The following USP36 variants were observed in gnomAD, a reference collection of about 807,000 sequenced individuals.
USP36 encodes ubiquitin specific peptidase 36, also known as ubiquitin carboxyl-terminal hydrolase 36.
A neutral mutation model predicts 111.5 loss-of-function variants in USP36; 59 were observed. The ratio of observed to expected loss-of-function variants is 0.53; its 90% CI spans 0.43 to 0.66. The LOEUF (loss-of-function observed/expected upper bound fraction) is 0.66. Among genes scored for constraint, USP36 ranks in the 30% least tolerant of loss-of-function variants. The probability of loss-of-function intolerance (pLI) is 0.00; values close to 1 mark genes in which losing one functional copy is unlikely to be tolerated. For missense variants in USP36, 1,488 were observed against 1,468.0 expected (o/e 1.01, Z -0.22); for synonymous variants, 628 against 581.0 (o/e 1.08, Z -1.16).
intron 6 of USP36, chr17:78,826,943 C>T (rs534962725): frequency 5.0e-6 from 3 of 605,084 alleles, no homozygotes; most frequent in East Asian, 5.5e-5. Flanking sequence ...AGAAGGTCTG[C>T]TAACATATTT....
At chr17:78,820,039 A>G (rs780535325) in intron 8 of USP36, 27 bp from the exon 9 acceptor site, 1 of 1,611,350 alleles carries the variant, frequency 6.2e-7, no homozygotes, top group Admixed American at 1.7e-5. Context: ...CAGGGAGTAA[A>G]ATACACAGCA....
Position 78,798,147 on chromosome 17 carries a change from T to C in USP36, c.*20+253A>G, listed in dbSNP as rs900142216. On this transcript the variant is annotated intron_variant, in intron 20 of 20. Transcript: ENST00000449938. This position sits in a 1 kb window ranked among gnomAD's most constrained non-coding sequence, Gnocchi z 5.1. ...TACACACCCCACACCCAACACACACTACACACACCCCCTTATACACACGCA... is the reference window on the plus strand; with the variant it reads ...TACACACCCCACACCCAACACACACCACACACACCCCCTTATACACACGCA... The C allele has an allele frequency of 1.1e-4, 52 of 480,194 alleles. No homozygotes were observed. The highest frequency in any genetic ancestry group is 1.8e-4 in the Non-Finnish European group (48 of 269,252). The allele number at this position is 480,194 out of a possible 1,614,324, so 29.7% of individuals were successfully genotyped here. A position where few individuals can be genotyped will look rare whatever the true frequency, so the allele number is the denominator to read the frequency against.
At chr17:78,826,738 A>G (rs1464240633) in intron 6 of USP36, 4 of 241,326 alleles carry the variant, frequency 1.7e-5, no homozygotes, top group Non-Finnish European at 3.3e-5. Context: ...TGGCGTGTGA[A>G]TAAGAAACAG....
rs528308479 is a variant in USP36, at chr17:78,837,112, A to C, written c.-9-740T>G. 2.6e-5 allele frequency among the ~76,000 whole-genome samples: 4 copies of C among 152,318 alleles called. No homozygotes were observed. The East Asian group carries it at 7.7e-4, about 29-fold the overall frequency. On this transcript the variant is annotated intron_variant, in intron 2 of 20. Coordinates refer to ENST00000449938, the MANE Select transcript of USP36 (RefSeq NM_001385174.1). Reference sequence around the variant, plus strand: ...TATTTTATATATATTGAGTTAAATAAATTATGAAAATGAATTTCACCTGCT... The same window carrying C: ...TATTTTATATATATTGAGTTAAATACATTATGAAAATGAATTTCACCTGCT...
intron 13 of USP36, among the ~76,000 whole-genome samples, chr17:78,811,997 A>C (rs2094071012): frequency 6.6e-6 from 1 of 152,150 alleles, no homozygotes; most frequent in Non-Finnish European, 1.5e-5. Flanking sequence ...AAGACCAGCC[A>C]GGGCAACATA....
chr17:78,821,658 G>A (rs112622238), intron 7 of USP36, among the ~76,000 whole-genome samples: 8,808 of 151,656 alleles, frequency 0.058, 812 homozygotes, highest in African/African-American at 0.2. Context: ...GGCTGGCCTC[G>A]AACTCCTGAC....
At chr17:78,840,406 G>A (rs908481932) in intron 1 of USP36, 3 of 152,290 alleles carry the variant, frequency 2.0e-5, no homozygotes, top group African/African-American at 7.2e-5. Flanking sequence ...CAACCTCTCC[G>A]AAGTTGACCT....
At chr17:78,812,363 C>G (rs1054442434) in intron 13 of USP36, among the ~76,000 whole-genome samples, 2 of 152,094 alleles carry the variant, frequency 1.3e-5, no homozygotes, top group African/African-American at 4.8e-5. Context: ...TCTCCTCTTT[C>G]TCTATAGCCA....
intron 3 of USP36, among the ~76,000 whole-genome samples, chr17:78,789,612 A>G (rs374268620): frequency 6.6e-6 from 1 of 152,206 alleles, no homozygotes; most frequent in Non-Finnish European, 1.5e-5. Flanking sequence ...GAAAACCCCC[A>G]GATTTTATTT....
Position 78,803,437 on chromosome 17 carries a change from C to T in USP36, c.2758G>A (p.Ala920Thr). The T allele has an allele frequency of 1.2e-6, 2 of 1,614,156 alleles. No homozygotes were observed. The highest frequency in any genetic ancestry group is 1.7e-6 in the Non-Finnish European group (2 of 1,180,042). ...CCGCCTTCTTCACCAAGACCTTCTG[C>T]TCCTTTCCTCCTCCGCTTCCTGCTG... The part of the protein sequence containing the change: ...ASSRKRRRKG[A>T]EGLGEEGGLH... Residue 920 changes from alanine to threonine, a missense_variant, in exon 16 of 21, where the codon GCA becomes ACA. By Grantham distance (58) the Ala-to-Thr change is moderately conservative. Coordinates refer to ENST00000449938, the MANE Select transcript of USP36 (RefSeq NM_001385174.1). This position sits in a 1 kb window ranked among gnomAD's most constrained non-coding sequence, Gnocchi z 4.6.
Position 78,838,380 on chromosome 17 carries a change from A to AC in USP36, c.-10+206_-10+207insG, listed in dbSNP as rs202045817. ...GAGCAAGACTTGGTCTCAAAAAAAA[A>AC]AAAAAACAAAAAACAAAAAACTTCT... is the stretch of plus-strand genomic sequence containing the variant. On this transcript the variant is annotated intron_variant, in intron 2 of 20. Coordinates refer to ENST00000449938, the MANE Select transcript of USP36 (RefSeq NM_001385174.1). 6.3e-3 allele frequency among the ~76,000 whole-genome samples: 947 copies of AC among 151,268 alleles called. 46 individuals are homozygous for AC. The East Asian group carries it at 0.12, about 19-fold the overall frequency.
At position 78,807,120 on chromosome 17, in the gene USP36, C is replaced by T; in HGVS notation, c.1924G>A (p.Glu642Lys). The change falls in exon 14 of 21, where the codon GAA becomes AAA. Residue 642 changes from glutamate (E) to lysine (K), a missense_variant. By Grantham distance (56) the Glu-to-Lys change is moderately conservative. This residue lies in a region of USP36 where 1,073 missense variants were observed against 994.1 expected (regional missense o/e 1.08). Coordinates refer to ENST00000449938, the MANE Select transcript of USP36 (RefSeq NM_001385174.1). ...SGAAHLCDSQ[E>K]TNCSTAGHSK... ...TGGCCAGCGGTGGAACAGTTCGTTT[C>T]CTGAGAATCGCAGAGATGGGCCGCT... The T allele has an allele frequency of 6.2e-7, 1 of 1,614,204 alleles. No homozygotes were observed. The highest frequency in any genetic ancestry group is 8.5e-7 in the Non-Finnish European group (1 of 1,180,036).
chr17:78,841,325 G>T (rs193291888), upstream of USP36: 1 of 152,462 alleles, frequency 6.6e-6, no homozygotes, highest in Non-Finnish European at 1.5e-5. Flanking sequence ...TAACGTCCCG[G>T]GCTCTGGGGC....
chr17:78,833,622 C>T (rs2145618641), intron 4 of USP36, among the ~76,000 whole-genome samples: 1 of 152,304 alleles, frequency 6.6e-6, no homozygotes, highest in African/African-American at 2.4e-5. Flanking sequence ...GGGAAGCAAA[C>T]CCTACAGGCC....
At chr17:78,829,553 C>T (rs1030354014) in intron 4 of USP36, among the ~76,000 whole-genome samples, 1 of 152,158 alleles carries the variant, frequency 6.6e-6, no homozygotes, top group South Asian at 2.1e-4. Flanking sequence ...CAAATCCTTT[C>T]CTATCTGAGG....
chr17:78,796,503 A>G lies in USP36; in HGVS notation c.*1397T>C, dbSNP rs2093630907. ...GATTCTCTCCCACCCTTCTAAGAAG[A>G]GAAACGTAAAAACAGAAGAAAATCC... On this transcript the variant is annotated 3_prime_UTR_variant, in exon 21 of 21. Transcript: ENST00000449938. The G allele has an allele frequency of 6.6e-6, 1 of 152,222 alleles. No individual in the cohort carries two copies. The highest frequency in any genetic ancestry group is 1.5e-5 in the Non-Finnish European group (1 of 68,052). 9.4% of individuals were successfully genotyped at this position (152,222 alleles called of 1,614,324 possible). A position where few individuals can be genotyped will look rare whatever the true frequency, so the allele number is the denominator to read the frequency against.
intron 6 of USP36, chr17:78,826,466 G>A (rs924949888): frequency 6.6e-6 from 1 of 152,224 alleles, no homozygotes; most frequent in Non-Finnish European, 1.5e-5. Flanking sequence ...TTTTCTTTCT[G>A]TAAGTCTTAT....
chr17:78,798,084 C>T lies in USP36; in HGVS notation c.*21-205G>A. On this transcript the variant is annotated intron_variant, in intron 20 of 20. Coordinates refer to ENST00000449938, the MANE Select transcript of USP36 (RefSeq NM_001385174.1). This position sits in a 1 kb window ranked among gnomAD's most constrained non-coding sequence, Gnocchi z 5.1. ...CCACACACACCCCACACATGCCCTT[C>T]TCCAAGTGACCAGAACACATGCCAC... The T allele has an allele frequency of 3.1e-6, 1 of 318,074 alleles. No homozygotes were observed. The highest frequency in any genetic ancestry group is 6.1e-5 in the South Asian group (1 of 16,278). The allele number at this position is 318,074 out of a possible 1,614,324, so 19.7% of individuals were successfully genotyped here.
At chr17:78,799,556 A>T in intron 18 of USP36, 111 bp downstream of exon 18, 1 of 952,954 alleles carries the variant, frequency 1.0e-6, no homozygotes, top group Non-Finnish European at 1.6e-6. Flanking sequence ...CTCAAAGCCG[A>T]GCGATGCCCG....
Sources: allele counts gnomAD v4.1 joint callset (sites outside exome capture counted in the v4.1 genomes callset), GRCh38; gene constraint gnomAD v4.1.1; regional missense constraint gnomAD v4.1.1; non-coding constraint Gnocchi (gnomAD v3.1); transcripts MANE v1.5; gene names NCBI Gene and HGNC (gene_info 2026-07-23, HGNC 2026-07-21).